The following CCDC171 variants were observed in gnomAD, a reference collection of about 807,000 sequenced individuals.
The protein encoded by CCDC171 is coiled-coil domain-containing protein 171.
Under a neutral mutation model 168.2 loss-of-function variants are expected in CCDC171, and 177 were observed. The ratio of observed to expected loss-of-function variants is 1.05; its 90% CI spans 0.93 to 1.19. CCDC171 has a LOEUF of 1.19. Ranked by LOEUF, CCDC171 falls within the 50% of genes most tolerant of loss-of-function variation. The pLI is 0.00. For missense variants in CCDC171, 1,991 were observed against 1,539.0 expected, an observed-to-expected ratio of 1.29 and a Z score of -4.91; for synonymous variants, 687 against 540.8, an observed-to-expected ratio of 1.27 and a Z score of -3.75.
chr9:15,907,420 T>C (rs145222880), intron 24 of CCDC171, among the ~76,000 whole-genome samples: 504 of 152,334 alleles, frequency 3.3e-3, no homozygotes, highest in African/African-American at 0.012. Context: ...CGATTCCCTA[T>C]TTAATAAATG....
chr9:16,004,251 T>G (rs149297379), intron 3 of CCDC171, among the ~76,000 whole-genome samples: 2 of 152,106 alleles, frequency 1.3e-5, no homozygotes, highest in East Asian at 3.8e-4. Flanking sequence ...GGCTTAGACA[T>G]AGGACACTCT....
chr9:16,012,693 T>C (rs551910355), intron 3 of CCDC171, among the ~76,000 whole-genome samples: 12 of 152,310 alleles, frequency 7.9e-5, no homozygotes, highest in Non-Finnish European at 1.2e-4. Flanking sequence ...AGAATGATTT[T>C]AGTTCACTGA....
chr9:15,975,066 C>T (rs1228856128), downstream of CCDC171, among the ~76,000 whole-genome samples: 4 of 152,108 alleles, frequency 2.6e-5, no homozygotes, highest in Non-Finnish European at 5.9e-5. Context: ...ACTGTGCCCT[C>T]ACTGTGCACT....
chr9:15,572,696 A>T (rs1046306349), intron 3 of CCDC171, among the ~76,000 whole-genome samples: 2 of 152,186 alleles, frequency 1.3e-5, no homozygotes, highest in African/African-American at 4.8e-5. Flanking sequence ...TTCTTCCACA[A>T]CATGTTGCTG....
intron 10 of CCDC171, among the ~76,000 whole-genome samples, chr9:15,692,256 C>G (rs969399394): frequency 6.6e-6 from 1 of 151,884 alleles, no homozygotes; most frequent in African/African-American, 2.4e-5. Flanking sequence ...CACCTGTAGT[C>G]TCAGCTCTCA....
intron 21 of CCDC171, among the ~76,000 whole-genome samples, chr9:15,801,073 A>G (rs1157094378): frequency 7.2e-5 from 11 of 152,010 alleles, no homozygotes. Flanking sequence ...CTTTTTGCTC[A>G]GGATAGATTT....
At chr9:15,624,885 C>T (rs1258510884) in intron 7 of CCDC171, among the ~76,000 whole-genome samples, 3 of 152,148 alleles carry the variant, frequency 2.0e-5, no homozygotes, top group Non-Finnish European at 2.9e-5. Flanking sequence ...GAAGAATCGC[C>T]TCACTGTCTT....
chr9:15,958,085 G>C (rs971676204), intron 25 of CCDC171, among the ~76,000 whole-genome samples: 1 of 152,042 alleles, frequency 6.6e-6, no homozygotes, highest in African/African-American at 2.4e-5. Context: ...TTAGAATATG[G>C]ATTAGAATAA....
At chr9:16,088,068 A>G in the CCDC171 span, among the ~76,000 whole-genome samples, 1 of 152,214 alleles carries the variant, frequency 6.6e-6, no homozygotes, top group Non-Finnish European at 1.5e-5. Flanking sequence ...CTGGTTCAAC[A>G]TATGCAAATC....
intron 25 of CCDC171, among the ~76,000 whole-genome samples, chr9:15,942,810 A>G (rs1589194977): frequency 6.6e-6 from 1 of 151,986 alleles, no homozygotes; most frequent in African/African-American, 2.4e-5. Flanking sequence ...GAAGAAATAT[A>G]GAGAAAGATA....
At chr9:15,567,878 T>A (rs1479598001) in intron 2 of CCDC171, among the ~76,000 whole-genome samples, 5 of 152,084 alleles carry the variant, frequency 3.3e-5, no homozygotes, top group Admixed American at 3.3e-4. Context: ...GGTCTTGAAC[T>A]CCTGGCCTCA....
chr9:15,638,684 T>C (rs954175805), intron 7 of CCDC171, among the ~76,000 whole-genome samples: 2 of 151,804 alleles, frequency 1.3e-5, no homozygotes, highest in African/African-American at 4.8e-5. Context: ...AACATAAATA[T>C]AAAAGAATTT....
At chr9:15,684,306 A>G (rs2133532566) in intron 10 of CCDC171, among the ~76,000 whole-genome samples, 1 of 152,260 alleles carries the variant, frequency 6.6e-6, no homozygotes, top group East Asian at 1.9e-4. Context: ...TATTAGTTGC[A>G]AAAGTTCAAC....
chr9:16,032,530 T>C (rs1833380929), intron 6 of CCDC171, among the ~76,000 whole-genome samples: 1 of 152,180 alleles, frequency 6.6e-6, no homozygotes, highest in Non-Finnish European at 1.5e-5. Flanking sequence ...TTAGTTTCCC[T>C]GACCTGGGAA....
chr9:15,876,438 C>G (rs1173823872), intron 24 of CCDC171, among the ~76,000 whole-genome samples: 1 of 152,042 alleles, frequency 6.6e-6, no homozygotes, highest in Non-Finnish European at 1.5e-5. Flanking sequence ...GGCACTATCT[C>G]CATTTTACAC....
chr9:15,841,662 A>G (rs1418290088), intron 21 of CCDC171, among the ~76,000 whole-genome samples: 1 of 151,984 alleles, frequency 6.6e-6, no homozygotes, highest in Non-Finnish European at 1.5e-5. Flanking sequence ...CCAAGATCGA[A>G]ATTTATTCAG....
intron 6 of CCDC171, among the ~76,000 whole-genome samples, chr9:16,024,865 C>T (rs1218157641): frequency 1.3e-5 from 2 of 152,206 alleles, no homozygotes; most frequent in Non-Finnish European, 2.9e-5. Context: ...GGAAGCCCAG[C>T]CTGTATGCTG....
chr9:15,642,375 A>G lies in CCDC171; in HGVS notation c.823-14752A>G, dbSNP rs555042952. On this transcript the variant is annotated intron_variant, in intron 7 of 25. Coordinates refer to ENST00000380701, the MANE Select transcript of CCDC171 (RefSeq NM_173550.4). ...TATATATATATATATATATATATAT[A>G]TATATATATGCATTTTAACCAGAAT... Among the ~76,000 whole-genome samples the G allele has an allele frequency of 6.6e-4, 65 of 98,618 alleles. 2 individuals carry two copies. The East Asian group carries it at 0.019, about 28-fold the overall frequency. 64.7% of individuals were successfully genotyped at this position (98,618 alleles called of 152,430 possible).
Position 15,570,672 on chromosome 9 carries a change from C to T in CCDC171, c.42-952C>T, listed in dbSNP as rs118040012. Among the ~76,000 whole-genome samples, 889 of 152,244 alleles carry T rather than the reference C, an allele frequency of 5.8e-3. 8 individuals are homozygous for T. The highest frequency in any genetic ancestry group is 0.011 in the Non-Finnish European group (740 of 68,014). On this transcript the variant is annotated intron_variant, in intron 2 of 25. Transcript: ENST00000380701. The stretch of plus-strand genomic sequence containing the variant: ...CATCAGTATCTTTAGGTATTTTTCA[C>T]CTGGTTGCTTAGGTTCTGTAGGGAA...
Sources: allele counts gnomAD v4.1 joint callset (sites outside exome capture counted in the v4.1 genomes callset), GRCh38; gene constraint gnomAD v4.1.1; transcripts MANE v1.5; gene names NCBI Gene and HGNC (gene_info 2026-07-23, HGNC 2026-07-21).